PDCD11: variants seen among roughly 807,000 people sequenced by gnomAD.
PDCD11 encodes protein RRP5 homolog.
PDCD11 carries 97 observed loss-of-function variants against 198.9 expected under a neutral mutation model. The ratio of observed to expected loss-of-function variants is 0.49; its 90% CI spans 0.41 to 0.58. The LOEUF (loss-of-function observed/expected upper bound fraction) is 0.58. Among genes scored for constraint, PDCD11 ranks in the 20% least tolerant of loss-of-function variants. PDCD11 has a pLI of 0.00. For synonymous variants in PDCD11, 893 were observed against 918.0 expected (o/e 0.97, Z 0.49); for missense variants, 2,102 against 2,312.7 (o/e 0.91, Z 1.87).
At chr10:103,438,573 G>A (rs2032247820) in intron 26 of PDCD11, 113 bp from the exon 27 acceptor site, 2 of 1,394,488 alleles carry the variant, frequency 1.4e-6, no homozygotes, top group African/African-American at 1.4e-5. Flanking sequence ...ATATCCTGCT[G>A]ACAGGTCCAG....
chr10:103,438,325 G>C (rs2032237714), intron 26 of PDCD11, among the ~76,000 whole-genome samples: 1 of 152,194 alleles, frequency 6.6e-6, no homozygotes. Flanking sequence ...TGGTAGTCCT[G>C]GTGAGGGGAG....
chr10:103,423,024 C>T lies in PDCD11; in HGVS notation c.2534C>T (p.Pro845Leu), dbSNP rs142052555. Residue 845 changes from proline to leucine, a missense_variant, in exon 18 of 36, where the codon CCA becomes CTA. By Grantham distance (98) the Pro-to-Leu change is moderately conservative. Transcript: ENST00000369797. ...ATCCAGACGCTGGCCGAGATGACCCCAGGAATGTTCCTTGACCTAGTGGTG... is the reference window on the plus strand; with the variant it reads ...ATCCAGACGCTGGCCGAGATGACCCTAGGAATGTTCCTTGACCTAGTGGTG... ...VLIQTLAEMT[P>L]GMFLDLVVQE... The T allele has an allele frequency of 1.3e-5, 21 of 1,596,796 alleles. No homozygotes were observed. The African/African-American group carries it at 2.8e-4, about 22-fold the overall frequency.
rs1332925591 is a variant in PDCD11 at position 103,425,070 on chromosome 10, G to A, written c.2850G>A (p.Leu950=). 7 of 1,614,234 alleles carry A rather than the reference G, an allele frequency of 4.3e-6. No homozygotes were observed. Among genetic ancestry groups the A allele is most frequent in the African/African-American group, 4.0e-5 (3 of 75,066 alleles). Residue 950 remains leucine (L), a synonymous_variant, in exon 20 of 36, where the codon CTG becomes CTA. Transcript: ENST00000369797. ...AIASLVETGH[L]AAFSLTSHLN... is the part of the protein sequence containing the mutation. ...CCTCCTTGGTAGAGACGGGCCACCT[G>A]GCAGCTTTCTCCCTGACCTCTCACC...
Position 103,406,676 on chromosome 10 carries a change from T to C in PDCD11, c.756T>C (p.Val252=). The change falls in exon 7 of 36, where the codon GTT becomes GTC. Residue 252 remains valine (V), a synonymous_variant. Coordinates refer to ENST00000369797, the MANE Select transcript of PDCD11 (RefSeq NM_014976.2). ...IVEKVKGNGG[V]VSLSVGHSEV... The stretch of plus-strand genomic sequence containing the variant: ...AAAAGGTGAAAGGCAACGGAGGAGT[T>C]GTTAGTCTGTCTGTTGGTCACTCAG... 1.2e-6 allele frequency: 2 copies of C among 1,614,146 alleles called. No individual in the cohort carries two copies. Among genetic ancestry groups the C allele is most frequent in the Non-Finnish European group, 1.7e-6 (2 of 1,180,020 alleles).
chr10:103,427,214 T>G (rs2031733281), intron 20 of PDCD11, 115 bp from the exon 21 acceptor site: 5 of 853,548 alleles, frequency 5.9e-6, no homozygotes, highest in African/African-American at 5.0e-5. Flanking sequence ...GGTGTGACAG[T>G]GGAACAGGGT....
chr10:103,429,547 T>A lies in PDCD11; in HGVS notation c.3368+2156T>A, dbSNP rs1027460270. ...CCCTGGCTTACAGATGGCCATCTTCTCCCCATGTCTTCACATGGTCTTCCT... is the reference window on the plus strand; with the variant it reads ...CCCTGGCTTACAGATGGCCATCTTCACCCCATGTCTTCACATGGTCTTCCT... On this transcript the variant is annotated intron_variant, in intron 21 of 35. Transcript: ENST00000369797. Among the ~76,000 whole-genome samples the A allele has an allele frequency of 2.0e-5, 3 of 149,748 alleles. No individual in the cohort carries two copies. In the East Asian group the frequency reaches 6.1e-4, roughly 31 times the overall value.
rs2032335478 is a variant in PDCD11 at position 103,440,504 on chromosome 10, A to C, written c.4363A>C (p.Lys1455Gln). The C allele has an allele frequency of 6.2e-7, 1 of 1,613,656 alleles. No homozygotes were observed. The highest frequency in any genetic ancestry group is 1.3e-5 in the African/African-American group (1 of 74,944). ...KGQEEVEMPS[K>Q]EKQQPQKPQA... ...GCAGGAGGAGGTGGAGATGCCCAGC[A>C]AGGAGAAGCAACAGCCCCAGAAGCC... is the stretch of plus-strand genomic sequence containing the variant. The change falls in exon 29 of 36, where the codon AAG (lysine) becomes CAG (glutamine). Residue 1455 changes from lysine to glutamine, a missense_variant. Lys to Gln is a moderately conservative substitution (Grantham distance 53). Coordinates refer to ENST00000369797, the MANE Select transcript of PDCD11 (RefSeq NM_014976.2).
chr10:103,439,361 A>T (rs1450147342), intron 27 of PDCD11, among the ~76,000 whole-genome samples: 1 of 152,186 alleles, frequency 6.6e-6, no homozygotes, highest in African/African-American at 2.4e-5. Flanking sequence ...AATTTAAATT[A>T]AAAAATACAT....
In PDCD11 at chr10:103,434,874, C is replaced by T. The variant is rs1206369909; in HGVS notation, c.3744C>T (p.Val1248=). The T allele has an allele frequency of 1.2e-6, 2 of 1,613,090 alleles. No homozygotes were observed. Among genetic ancestry groups the T allele is most frequent in the East Asian group, 2.2e-5 (1 of 44,752 alleles). The part of the protein sequence containing the change: ...VKVTPNEGLT[V]SFPFGKIGTV... ...TGACTCCCAACGAGGGGCTGACCGT[C>T]TCCTTCCCCTTTGGGAAGATAGGAA... The change falls in exon 25 of 36, where the codon GTC becomes GTT. Residue 1248 remains valine (V), a synonymous_variant. Coordinates refer to ENST00000369797, the MANE Select transcript of PDCD11 (RefSeq NM_014976.2).
chr10:103,438,762 C>G lies in PDCD11; in HGVS notation c.3979C>G (p.Leu1327Val). ...SIQDIKEGQLLRGYVGSIQPH... is the reference protein window; with the variant it reads ...SIQDIKEGQLVRGYVGSIQPH... ...CCAGGACATTAAGGAAGGGCAGCTT[C>G]TGAGGGGCTATGTAGGGTCCATCCA... Residue 1327 changes from leucine (L) to valine (V), a missense_variant, in exon 27 of 36, where the codon CTG (leucine) becomes GTG (valine). By Grantham distance (32) the Leu-to-Val change is conservative. Coordinates refer to ENST00000369797, the MANE Select transcript of PDCD11 (RefSeq NM_014976.2). 1 of 1,614,140 alleles carries G rather than the reference C, an allele frequency of 6.2e-7. No homozygotes were observed. The highest frequency in any genetic ancestry group is 8.5e-7 in the Non-Finnish European group (1 of 1,180,006).
chr10:103,426,693 G>A (rs1437529912), intron 20 of PDCD11, among the ~76,000 whole-genome samples: 14 of 152,020 alleles, frequency 9.2e-5, no homozygotes, highest in Admixed American at 9.2e-4. Flanking sequence ...AGCTGAGGCA[G>A]GAGAATCACT....
chr10:103,423,721 A>G, intron 19 of PDCD11, 63 bp downstream of exon 19: 2 of 1,083,926 alleles, frequency 1.8e-6, no homozygotes, highest in South Asian at 2.6e-5. Context: ...ACCCCACTCC[A>G]GTTCAGGGAT....
intron 25 of PDCD11, among the ~76,000 whole-genome samples, chr10:103,436,328 C>T (rs996660555): frequency 6.6e-6 from 1 of 152,202 alleles, no homozygotes. Context: ...TCTCAAGCTC[C>T]TGGGCTTAAG....
intron 8 of PDCD11, among the ~76,000 whole-genome samples, chr10:103,411,065 A>T (rs1564760577): frequency 6.8e-6 from 1 of 147,730 alleles, no homozygotes; most frequent in Non-Finnish European, 1.5e-5. Flanking sequence ...ACAGAGTGAG[A>T]CTCTGTCTTT....
chr10:103,412,543 A>G (rs1406880047), intron 8 of PDCD11, among the ~76,000 whole-genome samples: 1 of 151,604 alleles, frequency 6.6e-6, no homozygotes, highest in Non-Finnish European at 1.5e-5. Context: ...GATGGCCTTG[A>G]TCTCCTGACC....
chr10:103,426,939 A>T (rs1420610339), intron 20 of PDCD11, among the ~76,000 whole-genome samples: 1 of 150,362 alleles, frequency 6.7e-6, no homozygotes, highest in Non-Finnish European at 1.5e-5. Flanking sequence ...AAAAAAAAAA[A>T]TAAATAAATA....
Position 103,409,683 on chromosome 10 carries a change from T to C in PDCD11, c.871-16T>C, listed in dbSNP as rs187412983. 155 of 1,590,724 alleles carry C rather than the reference T, an allele frequency of 9.7e-5. No homozygotes were observed. In the African/African-American group the frequency reaches 1.9e-3, roughly 19 times the overall value. ...TCAAAGAACTTTTTTTTATAACTTG[T>C]TCTGTTTATTTCTAGGTGACTCCAT... On this transcript the variant is annotated splice_polypyrimidine_tract_variant and intron_variant, in intron 7 of 35. Transcript: ENST00000369797.
chr10:103,422,211 G>C (rs937320698), intron 17 of PDCD11, among the ~76,000 whole-genome samples: 6 of 151,376 alleles, frequency 4.0e-5, no homozygotes. Context: ...CTCCGGAGTA[G>C]CTAGGATTAC....
intron 7 of PDCD11, 79 bp from the exon 8 acceptor site, chr10:103,409,620 G>A (rs2030672535): frequency 1.1e-6 from 1 of 898,384 alleles, no homozygotes; most frequent in Non-Finnish European, 1.9e-6. Flanking sequence ...ATGGCATTGA[G>A]TGTTTACTGT....
Sources: allele counts gnomAD v4.1 joint callset (sites outside exome capture counted in the v4.1 genomes callset), GRCh38; gene constraint gnomAD v4.1.1; transcripts MANE v1.5; gene names NCBI Gene and HGNC (gene_info 2026-07-23, HGNC 2026-07-21).